SMYD3: variants seen among roughly 807,000 people sequenced by gnomAD.
SMYD3 encodes histone-lysine N-methyltransferase SMYD3.
SMYD3 carries 36 observed loss-of-function variants against 57.7 expected under a neutral mutation model. The ratio of observed to expected loss-of-function variants is 0.62; its 90% CI spans 0.48 to 0.82. SMYD3 has a LOEUF of 0.82. Among genes scored for constraint, SMYD3 ranks in the 40% least tolerant of loss-of-function variants. The pLI is 0.00. For synonymous variants in SMYD3, 211 were observed against 195.0 expected, an observed-to-expected ratio of 1.08 and a Z score of -0.68; for missense variants, 515 against 538.8, an observed-to-expected ratio of 0.96 and a Z score of 0.44.
intron 5 of SMYD3, among the ~76,000 whole-genome samples, chr1:246,103,668 C>A (rs145054282): frequency 2.6e-5 from 4 of 152,258 alleles, no homozygotes; most frequent in African/African-American, 9.6e-5. Flanking sequence ...ACTCTTTATG[C>A]GCCTGGGCTC....
intron 1 of SMYD3, among the ~76,000 whole-genome samples, chr1:246,360,724 G>C (rs941337143): frequency 3.3e-5 from 5 of 152,106 alleles, no homozygotes; most frequent in African/African-American, 9.7e-5. Flanking sequence ...AACAAATAGT[G>C]CTGGGACAAT....
At chr1:246,372,083 G>A (rs1172962981) in intron 1 of SMYD3, among the ~76,000 whole-genome samples, 6 of 152,206 alleles carry the variant, frequency 3.9e-5, no homozygotes, top group Admixed American at 1.3e-4. Flanking sequence ...CCTAAGTAAA[G>A]AAACCTTCAA....
intron 5 of SMYD3, among the ~76,000 whole-genome samples, chr1:246,242,185 G>C (rs1275838655): frequency 6.6e-6 from 1 of 151,734 alleles, no homozygotes; most frequent in Admixed American, 6.6e-5. Flanking sequence ...GTGATGTTAG[G>C]GTGTCAATTT....
rs368327416 is a variant in SMYD3 at position 246,190,401 on chromosome 1, AT to A, written c.531+136799del. Among the ~76,000 whole-genome samples, 48 of 152,198 alleles carry A rather than the reference AT, an allele frequency of 3.2e-4. No individual in the cohort carries two copies. In the South Asian group the frequency reaches 9.6e-3, roughly 30 times the overall value. ...GGAGTTCGAGACCAGTCTGGCCAATATGGTGAAACCCCGTCTCTACTAAGAA... is the reference window on the plus strand; with the variant it reads ...GGAGTTCGAGACCAGTCTGGCCAATAGGTGAAACCCCGTCTCTACTAAGAA... On this transcript the variant is annotated intron_variant, in intron 5 of 11. Coordinates refer to ENST00000490107, the MANE Select transcript of SMYD3 (RefSeq NM_001167740.2).
At position 246,329,108 on chromosome 1, in the gene SMYD3, G is replaced by C. The variant is rs1211465158; in HGVS notation, c.394+1372C>G. 1.1e-4 allele frequency among the ~76,000 whole-genome samples: 16 copies of C among 152,234 alleles called. No homozygotes were observed. In the East Asian group the frequency reaches 1.5e-3, roughly 15 times the overall value. On this transcript the variant is annotated intron_variant, in intron 4 of 11. Coordinates refer to ENST00000490107, the MANE Select transcript of SMYD3 (RefSeq NM_001167740.2). ...TCTATCATTGTTGGACATTTGGCTT[G>C]GTTCCAAGTCTTTGCTATTGTGAAT...
At chr1:245,750,380 C>T (rs889354363) in intron 11 of SMYD3, among the ~76,000 whole-genome samples, 12 of 152,198 alleles carry the variant, frequency 7.9e-5, no homozygotes, top group Non-Finnish European at 2.9e-5. Context: ...AGGCCGTGTA[C>T]AGGCACTCTG....
intron 1 of SMYD3, among the ~76,000 whole-genome samples, chr1:246,480,360 C>T (rs1415190800): frequency 3.9e-5 from 6 of 152,126 alleles, no homozygotes; most frequent in East Asian, 1.9e-4. Flanking sequence ...TTCTGTCACA[C>T]GTATTTAAAG....
chr1:246,133,164 T>C (rs2061613166), intron 5 of SMYD3, among the ~76,000 whole-genome samples: 1 of 152,062 alleles, frequency 6.6e-6, no homozygotes, highest in African/African-American at 2.4e-5. Context: ...CTGAATAGTA[T>C]CTAGTATAGT....
intron 10 of SMYD3, among the ~76,000 whole-genome samples, chr1:245,764,708 C>T (rs1048289745): frequency 6.6e-6 from 1 of 152,064 alleles, no homozygotes; most frequent in African/African-American, 2.4e-5. Flanking sequence ...TATCATCTCA[C>T]TGGATTATAG....
At chr1:245,827,446 C>T (rs1390515322) in intron 10 of SMYD3, among the ~76,000 whole-genome samples, 2 of 152,172 alleles carry the variant, frequency 1.3e-5, no homozygotes, top group East Asian at 1.9e-4. Context: ...CACTTGCCTC[C>T]GGCCCACGTG....
chr1:246,316,762 G>A (rs1244160121), intron 5 of SMYD3, among the ~76,000 whole-genome samples: 4 of 149,916 alleles, frequency 2.7e-5, no homozygotes, highest in East Asian at 4.1e-4. Flanking sequence ...TTGGGAGGCC[G>A]AGGCGAGCGG....
chr1:246,354,960 G>C, intron 2 of SMYD3, 71 bp downstream of exon 2: 1 of 1,374,820 alleles, frequency 7.3e-7, no homozygotes. Context: ...CAGGCCAACA[G>C]GTATAGTGAA....
chr1:246,358,246 G>C (rs1430069488), intron 1 of SMYD3, among the ~76,000 whole-genome samples: 5 of 152,118 alleles, frequency 3.3e-5, no homozygotes, highest in African/African-American at 1.2e-4. Flanking sequence ...AAAAGGACTA[G>C]TCCAACAGTA....
At chr1:246,453,529 A>G (rs1482565281) in intron 1 of SMYD3, among the ~76,000 whole-genome samples, 1 of 152,238 alleles carries the variant, frequency 6.6e-6, no homozygotes, top group Non-Finnish European at 1.5e-5. Context: ...AAAAATAAGT[A>G]GATAGTTCCT....
chr1:245,855,646 A>G (rs2051202527), intron 10 of SMYD3, among the ~76,000 whole-genome samples: 1 of 152,232 alleles, frequency 6.6e-6, no homozygotes, highest in Admixed American at 6.5e-5. Context: ...ATTTTGTTGT[A>G]TGTGATTTCT....
At chr1:246,441,075 C>T (rs895072369) in intron 1 of SMYD3, among the ~76,000 whole-genome samples, 20 of 152,184 alleles carry the variant, frequency 1.3e-4, no homozygotes, top group Admixed American at 1.0e-3. Flanking sequence ...CTGTTTTGTG[C>T]GTCCCCACTT....
In SMYD3 at chr1:246,057,474, A is replaced by T. The variant is rs557492357; in HGVS notation, c.532-127537T>A. Reference sequence around the variant, plus strand: ...TTTGCATTAAAAATGTATGATGGATACAGATGGCAAATACGCATATGAAAA... The same window carrying T: ...TTTGCATTAAAAATGTATGATGGATTCAGATGGCAAATACGCATATGAAAA... On this transcript the variant is annotated intron_variant, in intron 5 of 11. Transcript: ENST00000490107. 3.9e-5 allele frequency among the ~76,000 whole-genome samples: 6 copies of T among 152,330 alleles called. No individual in the cohort carries two copies. In the East Asian group the frequency reaches 1.2e-3, roughly 29 times the overall value.
At chr1:245,790,197 G>C (rs1264224553) in intron 10 of SMYD3, among the ~76,000 whole-genome samples, 1 of 152,180 alleles carries the variant, frequency 6.6e-6, no homozygotes, top group East Asian at 1.9e-4. Context: ...TGGTAGATGA[G>C]TAAAAATTAG....
At chr1:246,254,795 T>C (rs1006227469) in intron 5 of SMYD3, among the ~76,000 whole-genome samples, 5 of 152,178 alleles carry the variant, frequency 3.3e-5, no homozygotes, top group African/African-American at 1.2e-4. Flanking sequence ...GTTTGTGTCA[T>C]TTCTGATTTC....
Sources: allele counts gnomAD v4.1 joint callset (sites outside exome capture counted in the v4.1 genomes callset), GRCh38; gene constraint gnomAD v4.1.1; transcripts MANE v1.5; gene names NCBI Gene and HGNC (gene_info 2026-07-23, HGNC 2026-07-21).